FCN2: variants seen among roughly 807,000 people sequenced by gnomAD.
The protein encoded by FCN2 is ficolin 2, also known as ficolin-2.
In FCN2, 31 loss-of-function variants were observed where a neutral mutation model predicts 32.5. That is an observed-to-expected ratio of 0.96 (90% CI 0.72 to 1.29). The LOEUF (loss-of-function observed/expected upper bound fraction) is 1.29, where lower values mean the gene tolerates loss of function less well. Ranked by LOEUF, FCN2 falls within the 50% of genes most tolerant of loss-of-function variation. The probability of loss-of-function intolerance (pLI) is 0.00; values close to 1 mark genes in which losing one functional copy is unlikely to be tolerated. For synonymous variants in FCN2, 181 were observed against 164.5 expected (o/e 1.10, Z -0.77); for missense variants, 412 against 406.5 (o/e 1.01, Z -0.12).
chr9:134,878,839 G>A (rs1298306168), upstream of FCN2, among the ~76,000 whole-genome samples: 10 of 151,454 alleles, frequency 6.6e-5, no homozygotes, highest in South Asian at 2.1e-4. Flanking sequence ...GCGAAACTCC[G>A]TCTCAAAAAA....
chr9:134,886,208 C>G (rs1238252838), intron 6 of FCN2, among the ~76,000 whole-genome samples: 1 of 152,202 alleles, frequency 6.6e-6, no homozygotes, highest in African/African-American at 2.4e-5. Context: ...AACCCCAACT[C>G]TGCCTCTAAT....
chr9:134,865,588 A>G, the FCN2 span, among the ~76,000 whole-genome samples: 1 of 152,202 alleles, frequency 6.6e-6, no homozygotes, highest in Admixed American at 6.5e-5. Flanking sequence ...TAAGCAAATA[A>G]AAAAAGTGGT....
chr9:134,881,024 G>A (rs1289342494), intron 1 of FCN2, 103 bp downstream of exon 1: 2 of 809,726 alleles, frequency 2.5e-6, no homozygotes, highest in African/African-American at 3.4e-5. Flanking sequence ...ACCAGGCCGT[G>A]TGGAGCATCG....
At chr9:134,877,245 C>G (rs182657474), upstream of FCN2, among the ~76,000 whole-genome samples, 2 of 152,130 alleles carry the variant, frequency 1.3e-5, no homozygotes, top group African/African-American at 4.8e-5. Flanking sequence ...TGACCTGAGA[C>G]CTTTCTTCCT....
the FCN2 span, among the ~76,000 whole-genome samples, chr9:134,869,822 G>A: frequency 6.6e-6 from 1 of 152,244 alleles, no homozygotes; most frequent in Non-Finnish European, 1.5e-5. Context: ...TGCTCCTGAT[G>A]CAGGTGAGGG....
chr9:134,880,545 G>A (rs1408203389), upstream of FCN2, among the ~76,000 whole-genome samples: 1 of 152,254 alleles, frequency 6.6e-6, no homozygotes, highest in Non-Finnish European at 1.5e-5. Context: ...AAAGGTGGGA[G>A]GATGGGCCTG....
At position 134,887,151 on chromosome 9, in the gene FCN2, C is replaced by T; in HGVS notation, c.695-17C>T. The T allele has an allele frequency of 6.2e-7, 1 of 1,613,960 alleles. No individual in the cohort carries two copies. Among genetic ancestry groups the T allele is most frequent in the Non-Finnish European group, 8.5e-7 (1 of 1,179,958 alleles). On this transcript the variant is annotated splice_polypyrimidine_tract_variant and intron_variant, in intron 7 of 7. Transcript: ENST00000291744. ...ATGTTACTGCCTGTAACGATGCTCA[C>T]ATTTCCTCCTGCACAGGAGATTCCC...
At chr9:134,873,959 G>A in the FCN2 span, among the ~76,000 whole-genome samples, 1 of 148,602 alleles carries the variant, frequency 6.7e-6, no homozygotes, top group Non-Finnish European at 1.5e-5. Context: ...CACCCAGGGT[G>A]GAGTGCTGTG....
upstream of FCN2, chr9:134,880,707 G>A (rs1830649223): frequency 1.2e-6 from 1 of 838,898 alleles, no homozygotes; most frequent in Non-Finnish European, 2.0e-6. Flanking sequence ...GCGTCACCAA[G>A]CCCGCGGAGA....
chr9:134,873,848 T>C, the FCN2 span, among the ~76,000 whole-genome samples: 1 of 152,174 alleles, frequency 6.6e-6, no homozygotes, highest in Non-Finnish European at 1.5e-5. Context: ...CTTAACACAG[T>C]CTTTTAAATG....
chr9:134,886,570 T>G lies in FCN2; in HGVS notation c.694+6T>G. 1 of 1,613,660 alleles carries G rather than the reference T, an allele frequency of 6.2e-7. No individual in the cohort carries two copies. Among genetic ancestry groups the G allele is most frequent in the Non-Finnish European group, 8.5e-7 (1 of 1,179,828 alleles). On this transcript the variant is annotated splice_donor_region_variant and intron_variant, in intron 7 of 7. Transcript: ENST00000291744. Reference sequence around the variant, plus strand: ...CTTCGTGGAGGGCAGTGCGGGTGAGTGTCTGCTTGGGGCTGTGTGGCCTGG... The same window carrying G: ...CTTCGTGGAGGGCAGTGCGGGTGAGGGTCTGCTTGGGGCTGTGTGGCCTGG...
At chr9:134,885,553 C>T (rs999521844) in intron 5 of FCN2, among the ~76,000 whole-genome samples, 187 bp downstream of exon 5, 1 of 152,120 alleles carries the variant, frequency 6.6e-6, no homozygotes, top group Non-Finnish European at 1.5e-5. Flanking sequence ...TGGGTGCTCT[C>T]CTGCTGTGTG....
intron 4 of FCN2, 54 bp from the exon 5 acceptor site, chr9:134,885,185 T>A: frequency 6.2e-7 from 1 of 1,612,292 alleles, no homozygotes; most frequent in Non-Finnish European, 8.5e-7. Flanking sequence ...TCCTACTGCC[T>A]GTGCCCTGCC....
the FCN2 span, among the ~76,000 whole-genome samples, chr9:134,870,550 G>C: frequency 6.6e-6 from 1 of 152,066 alleles, no homozygotes; most frequent in African/African-American, 2.4e-5. This position sits in a 1 kb window ranked among gnomAD's most constrained non-coding sequence, Gnocchi z 4.3. Context: ...AAGTGCCCTC[G>C]GGGGGTGCCC....
rs543104327 is a variant in FCN2, at chr9:134,882,773, A to G, written c.214+134A>G. ...CCTGCAAGAGCCAGGAAAAGAACTGACTCCCAGGGCCCAACAGGGTTCTGA... is the reference window on the plus strand; with the variant it reads ...CCTGCAAGAGCCAGGAAAAGAACTGGCTCCCAGGGCCCAACAGGGTTCTGA... On this transcript the variant is annotated intron_variant, in intron 2 of 7. Coordinates refer to ENST00000291744, the MANE Select transcript of FCN2 (RefSeq NM_004108.3). 4.7e-6 allele frequency: 3 copies of G among 639,170 alleles called. No homozygotes were observed. In the African/African-American group the frequency reaches 5.5e-5, roughly 12 times the overall value. 39.6% of individuals were successfully genotyped at this position (639,170 alleles called of 1,614,324 possible).
chr9:134,880,491 G>A (rs1252093938), upstream of FCN2, among the ~76,000 whole-genome samples: 1 of 152,186 alleles, frequency 6.6e-6, no homozygotes, highest in Non-Finnish European at 1.5e-5. Flanking sequence ...ACCCTTCCTT[G>A]TTCCCCGTTC....
the FCN2 span, among the ~76,000 whole-genome samples, chr9:134,871,109 G>A: frequency 6.6e-6 from 1 of 152,172 alleles, no homozygotes; most frequent in South Asian, 2.1e-4. Flanking sequence ...TGAGCGCTAC[G>A]AAAGCCCCTG....
chr9:134,875,950 AG>A (rs1830600516), upstream of FCN2, among the ~76,000 whole-genome samples: 2 of 152,232 alleles, frequency 1.3e-5, no homozygotes, highest in African/African-American at 4.8e-5. Flanking sequence ...ATGATAGAAA[AG>A]GAATACTTTT....
the FCN2 span, among the ~76,000 whole-genome samples, chr9:134,875,274 A>G: frequency 1.3e-5 from 2 of 152,156 alleles, no homozygotes; most frequent in Non-Finnish European, 2.9e-5. Context: ...TTCTAATTGC[A>G]TTCATTCAGT....
Sources: gnomAD v4.1 joint callset for allele counts (sites outside exome capture counted in the v4.1 genomes callset) on GRCh38, gnomAD v4.1.1 for gene constraint, Gnocchi (gnomAD v3.1) non-coding constraint, MANE v1.5 for transcripts, NCBI Gene and HGNC (gene_info 2026-07-23, HGNC 2026-07-21) for gene names.